Variants in SIPA1L2 observed in about 807,000 individuals in gnomAD.
SIPA1L2 encodes signal induced proliferation associated 1 like 2.
In SIPA1L2, 56 loss-of-function variants were observed where a neutral mutation model predicts 163.9. That is an observed-to-expected ratio of 0.34 (90% CI 0.28 to 0.43). SIPA1L2 has a LOEUF of 0.43. Ranked by LOEUF, SIPA1L2 falls within the 20% of genes least tolerant of loss-of-function variation. The pLI is 1.00. For synonymous variants in SIPA1L2, 877 were observed against 865.7 expected, an observed-to-expected ratio of 1.01 and a Z score of -0.23; for missense variants, 1,974 against 2,193.5, an observed-to-expected ratio of 0.90 and a Z score of 2.00.
chr1:232,440,669 C>A (rs888660638), intron 14 of SIPA1L2, among the ~76,000 whole-genome samples: 4 of 152,164 alleles, frequency 2.6e-5, no homozygotes, highest in African/African-American at 4.8e-5. Flanking sequence ...TGAACATTTT[C>A]AAAAATAAGC....
At chr1:232,466,880 T>C (rs142416877) in intron 8 of SIPA1L2, among the ~76,000 whole-genome samples, 1,915 of 152,262 alleles carry the variant, frequency 0.013, 16 homozygotes, top group Non-Finnish European at 0.018. Context: ...ACTGGCAGCA[T>C]TGAGAGCACC....
intron 3 of SIPA1L2, among the ~76,000 whole-genome samples, chr1:232,498,156 C>T (rs528694514): frequency 8.5e-5 from 13 of 152,262 alleles, no homozygotes; most frequent in South Asian, 2.1e-4. Context: ...ATGACAGGTG[C>T]GTAATAAACT....
chr1:232,576,107 T>C (rs1573110738), intron 1 of SIPA1L2, among the ~76,000 whole-genome samples: 1 of 152,166 alleles, frequency 6.6e-6, no homozygotes, highest in African/African-American at 2.4e-5. Flanking sequence ...CACAACAGTC[T>C]CAATCTACGT....
chr1:232,521,828 C>T (rs1667471902), intron 2 of SIPA1L2, among the ~76,000 whole-genome samples: 1 of 152,198 alleles, frequency 6.6e-6, no homozygotes, highest in Non-Finnish European at 1.5e-5. Context: ...TAATTTTATA[C>T]ATTCCCTTGT....
At chr1:232,543,543 C>A (rs1657823160) in intron 2 of SIPA1L2, among the ~76,000 whole-genome samples, 1 of 152,176 alleles carries the variant, frequency 6.6e-6, no homozygotes, top group Non-Finnish European at 1.5e-5. Context: ...TTTTCTCTAG[C>A]TTACTGTAAT....
intron 2 of SIPA1L2, among the ~76,000 whole-genome samples, chr1:232,518,664 G>C (rs75827724): frequency 0.015 from 2,302 of 152,006 alleles, 64 homozygotes; most frequent in African/African-American, 0.053. Flanking sequence ...CTCTCTCCCC[G>C]CAACTGGGTG....
chr1:232,556,392 A>G (rs1414083238), intron 2 of SIPA1L2, among the ~76,000 whole-genome samples: 1 of 151,780 alleles, frequency 6.6e-6, no homozygotes, highest in Admixed American at 6.6e-5. Context: ...AGTGAACCCA[A>G]AACTTCTTCT....
At chr1:232,621,532 T>C (rs1038657850) in intron 1 of SIPA1L2, among the ~76,000 whole-genome samples, 4 of 152,190 alleles carry the variant, frequency 2.6e-5, no homozygotes, top group African/African-American at 9.7e-5. Flanking sequence ...CACACTTTCA[T>C]TAAACCTTAG....
rs541883128 is a variant in SIPA1L2, at chr1:232,536,712, G to T, written c.-269-21104C>A. Among the ~76,000 whole-genome samples, 14 of 152,236 alleles carry T rather than the reference G, an allele frequency of 9.2e-5. No individual in the cohort carries two copies. In the South Asian group the frequency reaches 2.7e-3, roughly 29 times the overall value. ...CTAATAAGCTCCTTCTTTTTCTCTT[G>T]TAACTGCAATATTGCTATGGATGAT... On this transcript the variant is annotated intron_variant, in intron 2 of 22. Coordinates refer to ENST00000674635, the MANE Select transcript of SIPA1L2 (RefSeq NM_020808.5).
intron 1 of SIPA1L2, among the ~76,000 whole-genome samples, chr1:232,588,367 T>C (rs2102821307): frequency 6.6e-6 from 1 of 152,256 alleles, no homozygotes. Flanking sequence ...ATGAAAATTT[T>C]AGACTTTCTT....
Position 232,588,032 on chromosome 1 carries a change from T to C in SIPA1L2, c.-318-13810A>G, listed in dbSNP as rs530417445. Among the ~76,000 whole-genome samples the C allele has an allele frequency of 5.3e-5, 8 of 152,326 alleles. No individual in the cohort carries two copies. In the South Asian group the frequency reaches 1.7e-3, roughly 32 times the overall value. ...CTGCCCAGTCTCGGGTATGTCTTTA[T>C]CAGCAGCAGGAAAACGGACTAATAC... On this transcript the variant is annotated intron_variant, in intron 1 of 22. Coordinates refer to ENST00000674635, the MANE Select transcript of SIPA1L2 (RefSeq NM_020808.5).
chr1:232,603,845 C>A (rs1449637122), intron 1 of SIPA1L2, among the ~76,000 whole-genome samples: 2 of 151,996 alleles, frequency 1.3e-5, no homozygotes, highest in Non-Finnish European at 2.9e-5. Flanking sequence ...TCTTCTAGGC[C>A]CCAATAGAAA....
At chr1:232,464,090 G>C (rs952536206) in intron 9 of SIPA1L2, among the ~76,000 whole-genome samples, 4 of 151,834 alleles carry the variant, frequency 2.6e-5, no homozygotes, top group Non-Finnish European at 4.4e-5. Context: ...TTACACACAA[G>C]AAATTCTATT....
intron 1 of SIPA1L2, among the ~76,000 whole-genome samples, chr1:232,599,547 T>TCCTGTGTGCCCAC (rs1553321453): frequency 1.1e-4 from 16 of 152,094 alleles, no homozygotes; most frequent in African/African-American, 3.9e-4. Flanking sequence ...ACAGTGCAGA[T>TCCTGTGTGCCCAC]CCTGTGTGCC....
intron 15 of SIPA1L2, among the ~76,000 whole-genome samples, chr1:232,433,265 T>C (rs1572890499): frequency 6.6e-6 from 1 of 152,194 alleles, no homozygotes. Flanking sequence ...ATGAACAATG[T>C]AGAGAAGAAG....
intron 1 of SIPA1L2, among the ~76,000 whole-genome samples, chr1:232,586,626 T>A (rs562539821): frequency 1.2e-4 from 19 of 152,356 alleles, no homozygotes; most frequent in Non-Finnish European, 2.1e-4. Flanking sequence ...GAAGAATTTT[T>A]AAAAAGCTTC....
rs772012578 is a variant in SIPA1L2 at position 232,464,909 on chromosome 1, T to C, written c.2751A>G (p.Gly917=). 4 of 1,614,200 alleles carry C rather than the reference T, an allele frequency of 2.5e-6. No individual in the cohort carries two copies. The South Asian group carries it at 3.3e-5, about 13-fold the overall frequency. The part of the protein sequence containing the change: ...LVSIKVFYER[G]ECVLLSSVDN... ...CTACCGAGGACAGGAGGACACATTC[T>C]CCTCTTTCGTAAAACACTTTGATAC... Residue 917 remains glycine (G), a synonymous_variant, in exon 9 of 23, where the codon GGA becomes GGG. Transcript: ENST00000674635.
intron 3 of SIPA1L2, among the ~76,000 whole-genome samples, chr1:232,506,643 T>C (rs1666743923): frequency 6.6e-6 from 1 of 152,192 alleles, no homozygotes; most frequent in Non-Finnish European, 1.5e-5. Context: ...ATACAACATA[T>C]TATTCTTCAG....
rs60008360 is a variant in SIPA1L2, at chr1:232,501,050, A to AT, written c.1484-7391dup. Among the ~76,000 whole-genome samples the AT allele has an allele frequency of 4.0e-3, 312 of 78,410 alleles. 27 individuals are homozygous for AT. Among genetic ancestry groups the AT allele is most frequent in the Non-Finnish European group, 5.0e-3 (220 of 43,594 alleles). 51.4% of individuals were successfully genotyped at this position (78,410 alleles called of 152,430 possible). Reference sequence around the variant, plus strand: ...TGTTAGCACTTTTTAGCAATGAAGTATTTTTTTTTTTTTTTTTTTTTTTGT... The same window carrying AT: ...TGTTAGCACTTTTTAGCAATGAAGTATTTTTTTTTTTTTTTTTTTTTTTTGT... On this transcript the variant is annotated intron_variant, in intron 3 of 22. Coordinates refer to ENST00000674635, the MANE Select transcript of SIPA1L2 (RefSeq NM_020808.5).
Sources: gnomAD v4.1 joint callset for allele counts (sites outside exome capture counted in the v4.1 genomes callset) on GRCh38, gnomAD v4.1.1 for gene constraint, MANE v1.5 for transcripts, NCBI Gene and HGNC (gene_info 2026-07-23, HGNC 2026-07-21) for gene names.